The following PDCD1LG2 variants were observed in gnomAD, a reference collection of about 807,000 sequenced individuals.
PDCD1LG2 encodes the protein B7 dendritic cell molecule.
In PDCD1LG2, 32 loss-of-function variants were observed where a neutral mutation model predicts 28.2. That is an observed-to-expected ratio of 1.13 (90% CI 0.86 to 1.52). The LOEUF (loss-of-function observed/expected upper bound fraction) is 1.52. PDCD1LG2 is among the 40% of genes most tolerant of loss of function. The probability of loss-of-function intolerance (pLI) is 0.00; values close to 1 mark genes in which losing one functional copy is unlikely to be tolerated. For synonymous variants in PDCD1LG2, 116 were observed against 120.2 expected (o/e 0.97, Z 0.23); for missense variants, 385 against 323.8 (o/e 1.19, Z -1.45).
intron 1 of PDCD1LG2, among the ~76,000 whole-genome samples, chr9:5,521,114 A>G (rs576434597): frequency 3.3e-5 from 5 of 152,330 alleles, no homozygotes; most frequent in Admixed American, 2.0e-4. Context: ...GCCAGCCACA[A>G]AAGTCCACAT....
At chr9:5,512,939 T>C (rs1035539313) in intron 1 of PDCD1LG2, among the ~76,000 whole-genome samples, 1 of 152,202 alleles carries the variant, frequency 6.6e-6, no homozygotes, top group Admixed American at 6.5e-5. Flanking sequence ...TTGTCTTATA[T>C]GTTTCTTCTT....
chr9:5,533,637 T>C (rs1586802099), intron 2 of PDCD1LG2, among the ~76,000 whole-genome samples: 1 of 152,176 alleles, frequency 6.6e-6, no homozygotes, highest in South Asian at 2.1e-4. Flanking sequence ...CTCTGAATAA[T>C]TTAACTCCCT....
At chr9:5,557,422 T>A (rs76362980) in intron 4 of PDCD1LG2, among the ~76,000 whole-genome samples, 196 bp from the exon 5 acceptor site, 1 of 152,180 alleles carries the variant, frequency 6.6e-6, no homozygotes, top group South Asian at 2.1e-4. Context: ...ATGGGGATCA[T>A]AGCAGAGCCA....
At chr9:5,526,543 G>C (rs1332882471) in intron 2 of PDCD1LG2, among the ~76,000 whole-genome samples, 1 of 152,090 alleles carries the variant, frequency 6.6e-6, no homozygotes, top group Non-Finnish European at 1.5e-5. Flanking sequence ...GCTCAAGTGA[G>C]TCTCCTGCCT....
chr9:5,512,812 T>C (rs1399205790), intron 1 of PDCD1LG2, among the ~76,000 whole-genome samples: 1 of 152,094 alleles, frequency 6.6e-6, no homozygotes, highest in East Asian at 1.9e-4. Flanking sequence ...CTGCCACCCT[T>C]CCTCCCCCAT....
intron 1 of PDCD1LG2, among the ~76,000 whole-genome samples, chr9:5,521,261 T>C (rs1820268253): frequency 6.6e-6 from 1 of 152,152 alleles, no homozygotes; most frequent in South Asian, 2.1e-4. Context: ...GGGGTTCCTT[T>C]TCAGGGTAAT....
intron 3 of PDCD1LG2, among the ~76,000 whole-genome samples, chr9:5,543,670 G>A (rs1223451480): frequency 1.3e-5 from 2 of 152,154 alleles, no homozygotes; most frequent in East Asian, 3.8e-4. Flanking sequence ...TAAGGCCCAA[G>A]GAAAGCATTT....
intron 5 of PDCD1LG2, 151 bp downstream of exon 5, chr9:5,557,903 C>T: frequency 1.0e-6 from 1 of 1,001,510 alleles, no homozygotes; most frequent in Non-Finnish European, 1.5e-6. Flanking sequence ...GATTATTTTT[C>T]CCCAGAAGAA....
In PDCD1LG2 at chr9:5,569,318, C is replaced by T. The variant is rs113706658; in HGVS notation, c.817-636C>T. ...AGAGCAGGCAGGGAAGGTGACTATT[C>T]CTAGGTCTGAAGGAGAAAGGGGAGG... On this transcript the variant is annotated intron_variant, in intron 6 of 6. Coordinates refer to ENST00000397747, the MANE Select transcript of PDCD1LG2 (RefSeq NM_025239.4). The surrounding 1 kb of genome is among the most constrained non-coding windows in gnomAD (Gnocchi z 4.1). 8.3e-4 allele frequency among the ~76,000 whole-genome samples: 127 copies of T among 152,192 alleles called. No individual in the cohort carries two copies. Among genetic ancestry groups the T allele is most frequent in the African/African-American group, 3.0e-3 (123 of 41,518 alleles).
chr9:5,540,742 AT>A (rs1335692682), intron 3 of PDCD1LG2, among the ~76,000 whole-genome samples: 1 of 152,164 alleles, frequency 6.6e-6, no homozygotes, highest in Non-Finnish European at 1.5e-5. Flanking sequence ...ACAAAAAAAA[AT>A]CCAGGACCAG....
At chr9:5,515,945 A>AAAAAG (rs1563819268) in intron 1 of PDCD1LG2, among the ~76,000 whole-genome samples, 1 of 149,974 alleles carries the variant, frequency 6.7e-6, no homozygotes, top group African/African-American at 2.4e-5. Flanking sequence ...AAAAAAAAAA[A>AAAAAG]AAAAGAAAAG....
chr9:5,546,123 T>TCACAGAG (rs1816200575), intron 3 of PDCD1LG2, among the ~76,000 whole-genome samples: 1 of 152,160 alleles, frequency 6.6e-6, no homozygotes, highest in Non-Finnish European at 1.5e-5. Flanking sequence ...CTGATTCTTG[T>TCACAGAG]AGTGGAAGAG....
chr9:5,515,941 A>AAG (rs1563819256), intron 1 of PDCD1LG2, among the ~76,000 whole-genome samples: 24 of 149,942 alleles, frequency 1.6e-4, no homozygotes, highest in Admixed American at 1.2e-3. Context: ...AAAAAAAAAA[A>AAG]AAAAAAAAGA....
At chr9:5,516,090 C>T (rs961051929) in intron 1 of PDCD1LG2, among the ~76,000 whole-genome samples, 1 of 151,914 alleles carries the variant, frequency 6.6e-6, no homozygotes, top group Non-Finnish European at 1.5e-5. Context: ...CTCACTCTGT[C>T]ACCAGGGCTG....
chr9:5,533,074 G>A (rs1277759712), intron 2 of PDCD1LG2, among the ~76,000 whole-genome samples: 1 of 152,140 alleles, frequency 6.6e-6, no homozygotes, highest in Non-Finnish European at 1.5e-5. Flanking sequence ...AACAACTTCT[G>A]GAATAGCTAA....
intron 3 of PDCD1LG2, among the ~76,000 whole-genome samples, chr9:5,540,652 G>A (rs1285465182): frequency 1.9e-5 from 2 of 107,788 alleles, no homozygotes; most frequent in South Asian, 4.8e-4. Context: ...ACAACCCTTC[G>A]ATTAAACCAG....
At chr9:5,514,364 A>T (rs904727552) in intron 1 of PDCD1LG2, among the ~76,000 whole-genome samples, 1 of 152,216 alleles carries the variant, frequency 6.6e-6, no homozygotes, top group Non-Finnish European at 1.5e-5. Context: ...ATCTCCACAG[A>T]CAGTAGAAAT....
chr9:5,522,014 C>T (rs1820284336), intron 1 of PDCD1LG2, among the ~76,000 whole-genome samples: 1 of 152,206 alleles, frequency 6.6e-6, no homozygotes. Context: ...AAGAGAGGGG[C>T]AAACTCAATT....
intron 2 of PDCD1LG2, among the ~76,000 whole-genome samples, chr9:5,529,748 C>T (rs1820446137): frequency 6.6e-6 from 1 of 152,140 alleles, no homozygotes; most frequent in Non-Finnish European, 1.5e-5. Context: ...GGGCACAGAC[C>T]TCAGCCTAGG....
Sources: allele counts gnomAD v4.1 joint callset (sites outside exome capture counted in the v4.1 genomes callset), GRCh38; gene constraint gnomAD v4.1.1; non-coding constraint Gnocchi (gnomAD v3.1); transcripts MANE v1.5; gene names NCBI Gene and HGNC (gene_info 2026-07-23, HGNC 2026-07-21).